WDR93: variants seen among roughly 807,000 people sequenced by gnomAD.
WDR93 encodes WD repeat domain 93.
WDR93 carries 73 observed loss-of-function variants against 82.9 expected under a neutral mutation model. The ratio of observed to expected loss-of-function variants is 0.88; its 90% confidence interval spans 0.73 to 1.07. The LOEUF (loss-of-function observed/expected upper bound fraction) is 1.07, where lower values mean the gene tolerates loss of function less well. Among genes scored for constraint, WDR93 ranks in the 50% least tolerant of loss-of-function variants. The pLI is 0.00. For missense variants in WDR93, 738 were observed against 826.0 expected (o/e 0.89, Z 1.31); for synonymous variants, 283 against 300.1 (o/e 0.94, Z 0.59).
intron 1 of WDR93, among the ~76,000 whole-genome samples, chr15:89,695,060 C>T (rs945312354): frequency 6.6e-5 from 10 of 151,850 alleles, no homozygotes; most frequent in Non-Finnish European, 1.3e-4. Context: ...ATACCAATAC[C>T]ACACTGTCTT....
chr15:89,726,518 C>T (rs1371882889), intron 8 of WDR93, among the ~76,000 whole-genome samples: 1 of 152,190 alleles, frequency 6.6e-6, no homozygotes, highest in African/African-American at 2.4e-5. Flanking sequence ...TTGAGGGACG[C>T]AGGTACCTTC....
chr15:89,700,400 G>A (rs1463846551), intron 1 of WDR93, among the ~76,000 whole-genome samples: 1 of 152,022 alleles, frequency 6.6e-6, no homozygotes, highest in Non-Finnish European at 1.5e-5. Flanking sequence ...TGGCAGCAGG[G>A]CTTTTATGAG....
At position 89,738,186 on chromosome 15, in the gene WDR93, C is replaced by T. The variant is rs755921062; in HGVS notation, c.1911C>T (p.Phe637=). ...AAAGGGACTTGGATAACATGGCCTT[C>T]CCCCAAGCACTGCCACTGGAGAAGA... The part of the protein sequence containing the change: ...IPQRDLDNMA[F]PQALPLEKRC... Residue 637 remains phenylalanine, a synonymous_variant, in exon 16 of 17, where the codon TTC becomes TTT. Transcript: ENST00000268130. The T allele has an allele frequency of 1.9e-6, 3 of 1,613,964 alleles. No individual in the cohort carries two copies. Among genetic ancestry groups the T allele is most frequent in the Non-Finnish European group, 1.7e-6 (2 of 1,179,948 alleles).
chr15:89,732,899 C>G, intron 12 of WDR93, 107 bp from the exon 13 acceptor site: 2 of 1,059,940 alleles, frequency 1.9e-6, no homozygotes, highest in Non-Finnish European at 2.9e-6. Flanking sequence ...TTGATTTTGC[C>G]TTCACATCCT....
chr15:89,711,920 A>G, intron 4 of WDR93, 106 bp from the exon 5 acceptor site: 1 of 694,020 alleles, frequency 1.4e-6, no homozygotes, highest in East Asian at 3.1e-5. Context: ...TCATGTCCCA[A>G]GGTTTAAAAG....
At position 89,727,265 on chromosome 15, in the gene WDR93, C is replaced by CTGAGATCTTCAACGCT; in HGVS notation, c.991_1006dup (p.Ser336Ter). The CTGAGATCTTCAACGCT allele has an allele frequency of 1.9e-6, 3 of 1,614,174 alleles. No homozygotes were observed. Among genetic ancestry groups the CTGAGATCTTCAACGCT allele is most frequent in the Non-Finnish European group, 2.5e-6 (3 of 1,180,022 alleles). On this transcript the variant is annotated frameshift_variant, in exon 9 of 17. Coordinates refer to ENST00000268130, the MANE Select transcript of WDR93 (RefSeq NM_020212.2). LOFTEE classifies it high-confidence loss of function. ...AAGGACAGTCAGTGGGAGCAGCAAG[C>CTGAGATCTTCAACGCT]TGAGATCTTCAACGCTTCCTACAAG...
Position 89,702,048 on chromosome 15 carries a change from A to C in WDR93, c.302A>C (p.Gln101Pro), listed in dbSNP as rs1965496147. 1 of 1,605,886 alleles carries C rather than the reference A, an allele frequency of 6.2e-7. No homozygotes were observed. Among genetic ancestry groups the C allele is most frequent in the South Asian group, 1.1e-5 (1 of 90,710 alleles). Reference protein sequence around the residue: ...PTVYPPLGEIQLNKMPNCMAV... With the variant: ...PTVYPPLGEIPLNKMPNCMAV... ...GTCTACCCTCCACTTGGAGAAATCC[A>C]GGTATGGAGTAAGCAGTTGACCAGG... The change falls in exon 2 of 17, where the codon CAG becomes CCG. Residue 101 changes from glutamine (Q) to proline (P), a missense_variant and splice_region_variant. Physicochemically the swap from Gln to Pro is moderately conservative, Grantham distance 76 (BLOSUM62 -1). Coordinates refer to ENST00000268130, the MANE Select transcript of WDR93 (RefSeq NM_020212.2).
chr15:89,713,885 T>C lies in WDR93; in HGVS notation c.641-1095T>C, dbSNP rs375900742. ...CCACAAACTGGGCAGCTTAAAACAA[T>C]AGATATTTATTCCCTCAGAGTCCTA... On this transcript the variant is annotated intron_variant, in intron 5 of 16. Transcript: ENST00000268130. Among the ~76,000 whole-genome samples the C allele has an allele frequency of 3.9e-5, 6 of 152,252 alleles. No individual in the cohort carries two copies. The South Asian group carries it at 8.3e-4, about 21-fold the overall frequency.
chr15:89,717,264 T>G (rs1966308762), intron 7 of WDR93, among the ~76,000 whole-genome samples: 1 of 152,118 alleles, frequency 6.6e-6, no homozygotes, highest in African/African-American at 2.4e-5. Flanking sequence ...TTCTCCATGT[T>G]GGTCAGGCTG....
intron 14 of WDR93, among the ~76,000 whole-genome samples, chr15:89,736,389 GA>G: frequency 6.6e-6 from 1 of 152,260 alleles, no homozygotes; most frequent in Non-Finnish European, 1.5e-5. Context: ...GCCAAGGGCT[GA>G]AAATGTAGAT....
In WDR93 at chr15:89,724,071, G is replaced by A. The variant is rs748409114; in HGVS notation, c.880+1932G>A. On this transcript the variant is annotated intron_variant, in intron 8 of 16. Transcript: ENST00000268130. Reference sequence around the variant, plus strand: ...AAAAAAAATAGCTGGGCGTGATGGCGTGCACCTGTAGTTCCAGCACTTTGG... The same window carrying A: ...AAAAAAAATAGCTGGGCGTGATGGCATGCACCTGTAGTTCCAGCACTTTGG... Among the ~76,000 whole-genome samples, 9 of 152,036 alleles carry A rather than the reference G, an allele frequency of 5.9e-5. No homozygotes were observed. In the East Asian group the frequency reaches 1.4e-3, roughly 23 times the overall value.
chr15:89,698,722 C>A (rs929130909), intron 1 of WDR93, among the ~76,000 whole-genome samples: 2 of 151,958 alleles, frequency 1.3e-5, no homozygotes, highest in African/African-American at 4.8e-5. Context: ...TTTTTCTTTA[C>A]ATATGTTATT....
intron 13 of WDR93, among the ~76,000 whole-genome samples, chr15:89,733,533 C>A (rs552098334): frequency 6.6e-6 from 1 of 152,194 alleles, no homozygotes; most frequent in East Asian, 1.9e-4. Context: ...AGGCTCTTCC[C>A]ACATGAATGG....
chr15:89,729,125 G>A (rs1267305534), intron 10 of WDR93, 32 bp downstream of exon 10: 3 of 1,598,252 alleles, frequency 1.9e-6, no homozygotes. Context: ...GGTTGTCCTA[G>A]CAAGGAGTCA....
At chr15:89,690,751 T>C, upstream of WDR93, 1 of 639,300 alleles carries the variant, frequency 1.6e-6, no homozygotes, top group Non-Finnish European at 2.6e-6. Flanking sequence ...GGGCTGAGTC[T>C]CTCCGCCCCA....
intron 6 of WDR93, 113 bp downstream of exon 6, chr15:89,715,208 C>T: frequency 1.2e-6 from 1 of 815,284 alleles, no homozygotes; most frequent in South Asian, 1.9e-5. Context: ...TAAGAGAGGA[C>T]AACAGGAATA....
intron 4 of WDR93, among the ~76,000 whole-genome samples, chr15:89,710,019 G>A (rs4360902): frequency 6.6e-6 from 1 of 151,550 alleles, no homozygotes; most frequent in Non-Finnish European, 1.5e-5. Context: ...AATTAGCCGG[G>A]TGTGCTGGCA....
chr15:89,711,956 C>T, intron 4 of WDR93, 70 bp from the exon 5 acceptor site: 1 of 1,288,712 alleles, frequency 7.8e-7, no homozygotes, highest in Non-Finnish European at 1.1e-6. Context: ...GTGCAGACCA[C>T]AGAAGGTCCT....
At chr15:89,730,264 G>A (rs1178638711) in intron 11 of WDR93, among the ~76,000 whole-genome samples, 1 of 150,516 alleles carries the variant, frequency 6.6e-6, no homozygotes, top group Non-Finnish European at 1.5e-5. Context: ...GGCAGAGGTT[G>A]CAGTGAGCCA....
Sources: allele counts gnomAD v4.1 joint callset (sites outside exome capture counted in the v4.1 genomes callset), GRCh38; gene constraint gnomAD v4.1.1; transcripts MANE v1.5; gene names NCBI Gene and HGNC (gene_info 2026-07-23, HGNC 2026-07-21).